WDR93: variants seen among roughly 807,000 people sequenced by gnomAD.
WDR93 encodes the protein WD repeat domain 93.
A neutral mutation model predicts 82.9 loss-of-function variants in WDR93; 73 were observed. The ratio of observed to expected loss-of-function variants is 0.88; its 90% CI spans 0.73 to 1.07. The LOEUF (loss-of-function observed/expected upper bound fraction) is 1.07. Among genes scored for constraint, WDR93 ranks in the 50% least tolerant of loss-of-function variants. The probability of loss-of-function intolerance (pLI) is 0.00; values close to 1 mark genes in which losing one functional copy is unlikely to be tolerated. For synonymous variants in WDR93, 283 were observed against 300.1 expected, an observed-to-expected ratio of 0.94 and a Z score of 0.59; for missense variants, 738 against 826.0, an observed-to-expected ratio of 0.89 and a Z score of 1.31.
chr15:89,738,677 A>G (rs1187659728), intron 16 of WDR93, among the ~76,000 whole-genome samples: 2 of 151,252 alleles, frequency 1.3e-5, no homozygotes, highest in Non-Finnish European at 2.9e-5. Flanking sequence ...GTTCTACCCC[A>G]TGATAGCCCA....
chr15:89,726,545 C>G (rs1167439477), intron 8 of WDR93, among the ~76,000 whole-genome samples: 4 of 152,156 alleles, frequency 2.6e-5, no homozygotes, highest in Admixed American at 1.3e-4. Context: ...GAACAGAATT[C>G]TGAAACTCAG....
At chr15:89,741,434 C>A (rs1967665756) in intron 16 of WDR93, among the ~76,000 whole-genome samples, 2 of 152,020 alleles carry the variant, frequency 1.3e-5, no homozygotes, top group Non-Finnish European at 2.9e-5. Context: ...CCCTATGTTG[C>A]CCAGGCTGGT....
rs573738850 is a variant in WDR93, at chr15:89,743,238, G to A, written c.1962-54G>A. 18 of 1,591,738 alleles carry A rather than the reference G, an allele frequency of 1.1e-5. No individual in the cohort carries two copies. In the East Asian group the frequency reaches 1.3e-4, roughly 12 times the overall value. ...TAGTCGAGGTCTGCCCTGGGGGCTC[G>A]GGAGCTGGGGAAGTGAGAGGAGATT... is the stretch of plus-strand genomic sequence containing the variant. On this transcript the variant is annotated intron_variant, in intron 16 of 16. Coordinates refer to ENST00000268130, the MANE Select transcript of WDR93 (RefSeq NM_020212.2).
At position 89,743,217 on chromosome 15, in the gene WDR93, C is replaced by T. The variant is rs75562394; in HGVS notation, c.1962-75C>T. On this transcript the variant is annotated intron_variant, in intron 16 of 16. Coordinates refer to ENST00000268130, the MANE Select transcript of WDR93 (RefSeq NM_020212.2). ...GTTTCTCATAGGAGCACAGGGTAGT[C>T]GAGGTCTGCCCTGGGGGCTCGGGAG... 3.5e-3 allele frequency: 5,042 copies of T among 1,450,406 alleles called. 181 individuals carry two copies. The African/African-American group carries it at 0.061, about 18-fold the overall frequency. 89.8% of individuals were successfully genotyped at this position (1,450,406 alleles called of 1,614,324 possible). A position where few individuals can be genotyped will look rare whatever the true frequency, so the allele number is the denominator to read the frequency against.
chr15:89,712,314 G>A (rs1199727460), intron 5 of WDR93, among the ~76,000 whole-genome samples: 1 of 147,452 alleles, frequency 6.8e-6, no homozygotes, highest in Admixed American at 6.8e-5. Flanking sequence ...TCAAAACTAA[G>A]CAAATGACAT....
chr15:89,698,853 G>A (rs1424472313), intron 1 of WDR93, among the ~76,000 whole-genome samples: 1 of 151,490 alleles, frequency 6.6e-6, no homozygotes, highest in Non-Finnish European at 1.5e-5. Flanking sequence ...ACTTCTTTAT[G>A]TAAATTTCTA....
At chr15:89,742,012 A>T (rs1189060414) in intron 16 of WDR93, among the ~76,000 whole-genome samples, 2 of 152,188 alleles carry the variant, frequency 1.3e-5, no homozygotes, top group Non-Finnish European at 2.9e-5. Flanking sequence ...TGGCCTCCCA[A>T]AGTGCTGGGA....
At chr15:89,739,410 C>G (rs982358580) in intron 16 of WDR93, among the ~76,000 whole-genome samples, 19 of 152,206 alleles carry the variant, frequency 1.2e-4, no homozygotes, top group African/African-American at 4.6e-4. Context: ...TTTTACCCAT[C>G]ATTCAGATAA....
At position 89,705,348 on chromosome 15, in the gene WDR93, C is replaced by T. The variant is rs1463603853; in HGVS notation, c.497-206C>T. On this transcript the variant is annotated intron_variant, in intron 3 of 16. Transcript: ENST00000268130. ...GTGGAGCCAGGGTAGGTGGAGAGGA[C>T]CCAGGAAGGAAAACAACCCGAACAT... The T allele has an allele frequency of 1.1e-5, 6 of 569,818 alleles. No homozygotes were observed. In the African/African-American group the frequency reaches 1.1e-4, roughly 11 times the overall value. 35.3% of individuals were successfully genotyped at this position (569,818 alleles called of 1,614,324 possible).
intron 14 of WDR93, 113 bp downstream of exon 14, chr15:89,735,666 C>A: frequency 9.5e-7 from 1 of 1,052,974 alleles, no homozygotes; most frequent in South Asian, 1.4e-5. Flanking sequence ...GTGTTAGGCA[C>A]TGGACTAGCT....
chr15:89,730,077 C>A (rs969437555), intron 11 of WDR93, among the ~76,000 whole-genome samples: 1 of 152,222 alleles, frequency 6.6e-6, no homozygotes, highest in African/African-American at 2.4e-5. Flanking sequence ...ATAATCCCAG[C>A]ACTTTGGGAG....
At chr15:89,694,803 G>T (rs1257225964) in intron 1 of WDR93, among the ~76,000 whole-genome samples, 1 of 152,080 alleles carries the variant, frequency 6.6e-6, no homozygotes, top group Non-Finnish European at 1.5e-5. Context: ...AAGTTTTATA[G>T]TTTTCAGTTT....
Position 89,703,123 on chromosome 15 carries a change from T to G in WDR93, c.477T>G (p.Ile159Met). 1 of 1,614,218 alleles carries G rather than the reference T, an allele frequency of 6.2e-7. No homozygotes were observed. The highest frequency in any genetic ancestry group is 1.1e-5 in the South Asian group (1 of 91,090). ...WATDLGNEIL[I>M]APVDEMGIIR... is the part of the protein sequence containing the mutation. ...CAGATTTAGGGAATGAAATACTCAT[T>G]GCTCCTGTGGATGAAATGGGTATTG... The change falls in exon 3 of 17, where the codon ATT becomes ATG. Residue 159 changes from isoleucine to methionine, a missense_variant. Physicochemically the swap from Ile to Met is conservative, Grantham distance 10 (BLOSUM62 1). Transcript: ENST00000268130.
chr15:89,712,033 C>T lies in WDR93; in HGVS notation c.569C>T (p.Thr190Ile). ...LVKAINEVDD[T>I]SKQTTCIKME... ...CATCTCTTTTGTTTTCAGGATGATA[C>T]CAGCAAGCAAACTACCTGTATAAAG... The change falls in exon 5 of 17, where the codon ACC becomes ATC. Residue 190 changes from threonine to isoleucine, a missense_variant. Physicochemically the swap from Thr to Ile is moderately conservative, Grantham distance 89. Coordinates refer to ENST00000268130, the MANE Select transcript of WDR93 (RefSeq NM_020212.2). 3 of 1,612,666 alleles carry T rather than the reference C, an allele frequency of 1.9e-6. No homozygotes were observed. Among genetic ancestry groups the T allele is most frequent in the East Asian group, 2.2e-5 (1 of 44,820 alleles).
chr15:89,714,857 T>A (rs1458300333), intron 5 of WDR93, 123 bp from the exon 6 acceptor site: 1 of 702,372 alleles, frequency 1.4e-6, no homozygotes, highest in Admixed American at 2.8e-5. Context: ...TATGTCAAAG[T>A]TGCCTGGTAT....
chr15:89,723,888 A>G (rs1315718445), intron 8 of WDR93, among the ~76,000 whole-genome samples: 1 of 152,218 alleles, frequency 6.6e-6, no homozygotes, highest in African/African-American at 2.4e-5. Flanking sequence ...AAAGCAGTAA[A>G]GCTTTTAGAA....
intron 1 of WDR93, among the ~76,000 whole-genome samples, chr15:89,699,221 T>C (rs1353160365): frequency 3.3e-5 from 5 of 152,146 alleles, no homozygotes; most frequent in Admixed American, 6.6e-5. Context: ...TGATGAATTC[T>C]TTCAATTTTT....
intron 12 of WDR93, 102 bp from the exon 13 acceptor site, chr15:89,732,904 C>A: frequency 1.8e-6 from 2 of 1,121,154 alleles, no homozygotes; most frequent in Non-Finnish European, 2.7e-6. Context: ...TTTGCCTTCA[C>A]ATCCTACAAG....
chr15:89,712,166 T>C (rs1157270474), intron 5 of WDR93, 62 bp downstream of exon 5: 1 of 1,355,174 alleles, frequency 7.4e-7, no homozygotes, highest in Non-Finnish European at 1.0e-6. Context: ...TTCCAAATGA[T>C]TGCTTTTGTC....
Sources: allele counts gnomAD v4.1 joint callset (sites outside exome capture counted in the v4.1 genomes callset), GRCh38; gene constraint gnomAD v4.1.1; transcripts MANE v1.5; gene names NCBI Gene and HGNC (gene_info 2026-07-23, HGNC 2026-07-21).